HDAC4: variants seen among roughly 807,000 people sequenced by gnomAD.
The protein encoded by HDAC4 is histone deacetylase 4, also known as histone deacetylase A.
HDAC4 carries 16 observed loss-of-function variants against 135.1 expected under a neutral mutation model. That is an observed-to-expected ratio of 0.12 (90% confidence interval 0.08 to 0.18). HDAC4 has a LOEUF of 0.18. HDAC4 is among the 10% of genes least tolerant of loss of function. The pLI, the probability that HDAC4 is intolerant of heterozygous loss-of-function variation, is 1.00. For synonymous variants in HDAC4, 685 were observed against 653.4 expected (o/e 1.05, Z -0.74); for missense variants, 1,143 against 1,511.8 (o/e 0.76, Z 4.05).
chr2:239,250,277 T>C (rs1343951230), intron 2 of HDAC4, among the ~76,000 whole-genome samples: 2 of 152,092 alleles, frequency 1.3e-5, no homozygotes, highest in East Asian at 3.9e-4. Flanking sequence ...CCCCCAGGGG[T>C]CCGAGAGGAG....
chr2:239,095,164 G>A (rs1248653138), intron 16 of HDAC4, 108 bp from the exon 17 acceptor site: 2 of 1,152,528 alleles, frequency 1.7e-6, no homozygotes, highest in African/African-American at 3.0e-5. Context: ...GCATTTGTGG[G>A]ACAACGAGGG....
chr2:239,177,909 G>A (rs989213831), intron 4 of HDAC4, among the ~76,000 whole-genome samples: 1 of 152,214 alleles, frequency 6.6e-6, no homozygotes, highest in Non-Finnish European at 1.5e-5. Flanking sequence ...TTGGCCTGGC[G>A]CTGACGAGTG....
At chr2:239,118,638 G>A (rs1051051144) in intron 12 of HDAC4, among the ~76,000 whole-genome samples, 91 of 152,156 alleles carry the variant, frequency 6.0e-4, no homozygotes, top group Non-Finnish European at 1.5e-4. Context: ...AGGCCAAGGG[G>A]GCATGGATGA....
At chr2:239,395,286 G>T (rs1001843275) in intron 1 of HDAC4, among the ~76,000 whole-genome samples, 3 of 152,178 alleles carry the variant, frequency 2.0e-5, no homozygotes, top group Admixed American at 6.5e-5. Flanking sequence ...ATACAGGAAA[G>T]TCATGCCAGG....
At chr2:239,350,801 C>T (rs1693096858) in intron 2 of HDAC4, among the ~76,000 whole-genome samples, 1 of 152,192 alleles carries the variant, frequency 6.6e-6, no homozygotes, top group Non-Finnish European at 1.5e-5. Flanking sequence ...TGCGCCCGGC[C>T]GAGAACTTTA....
At chr2:239,335,968 GA>G (rs1267754778) in intron 2 of HDAC4, among the ~76,000 whole-genome samples, 1 of 152,086 alleles carries the variant, frequency 6.6e-6, no homozygotes. Flanking sequence ...TTCCAAACTG[GA>G]AACCACCAAA....
intron 1 of HDAC4, among the ~76,000 whole-genome samples, chr2:239,368,886 A>G (rs10171515): frequency 0.072 from 11,030 of 152,150 alleles, 850 homozygotes; most frequent in African/African-American, 0.19. Context: ...GTCGGCATCG[A>G]CAGCTGAGGC....
intron 2 of HDAC4, among the ~76,000 whole-genome samples, chr2:239,318,048 T>G (rs2053177709): frequency 6.6e-6 from 1 of 152,114 alleles, no homozygotes; most frequent in Admixed American, 6.5e-5. Context: ...AGATGACCAG[T>G]AGCCACCACC....
intron 2 of HDAC4, among the ~76,000 whole-genome samples, chr2:239,295,273 C>T (rs1320076795): frequency 7.9e-6 from 1 of 126,438 alleles, no homozygotes; most frequent in Admixed American, 1.0e-4. Context: ...CGCCCCTGCA[C>T]TCCAGCCTGG....
At chr2:239,356,043 T>C (rs897613817) in intron 1 of HDAC4, among the ~76,000 whole-genome samples, 1 of 152,322 alleles carries the variant, frequency 6.6e-6, no homozygotes, top group East Asian at 1.9e-4. Context: ...CAAGGGCTTA[T>C]CTTAGAAAAA....
intron 2 of HDAC4, among the ~76,000 whole-genome samples, chr2:239,277,614 C>G (rs921103474): frequency 6.6e-6 from 1 of 152,236 alleles, no homozygotes; most frequent in Non-Finnish European, 1.5e-5. Flanking sequence ...TCACCGCACG[C>G]ATCCCCGGAA....
intron 1 of HDAC4, among the ~76,000 whole-genome samples, chr2:239,360,156 C>T (rs962400516): frequency 1.3e-5 from 2 of 152,174 alleles, no homozygotes; most frequent in African/African-American, 4.8e-5. Flanking sequence ...TGATGGCCTG[C>T]GCTGAGCCAC....
In HDAC4 at chr2:239,313,456, T is replaced by C. The variant is rs549636191; in HGVS notation, c.22+39222A>G. The stretch of plus-strand genomic sequence containing the variant: ...GCTGCCCAGGAGCCCGCTCCTCCAA[T>C]TGGGGGCTGGCCATCCCACCGAGCA... On this transcript the variant is annotated intron_variant, in intron 2 of 26. Coordinates refer to ENST00000543185, the MANE Select transcript of HDAC4 (RefSeq NM_001378414.1). The surrounding 1 kb of genome is among the most constrained non-coding windows in gnomAD (Gnocchi z 5.1). Among the ~76,000 whole-genome samples, 14 of 152,048 alleles carry C rather than the reference T, an allele frequency of 9.2e-5. No homozygotes were observed. Among genetic ancestry groups the C allele is most frequent in the Middle Eastern group, 3.4e-3 (1 of 294 alleles).
At chr2:239,228,457 G>T (rs559412096) in intron 3 of HDAC4, among the ~76,000 whole-genome samples, 1 of 152,142 alleles carries the variant, frequency 6.6e-6, no homozygotes, top group South Asian at 2.1e-4. Flanking sequence ...GGCTGTGTAC[G>T]CCACGTGAAA....
At chr2:239,179,095 A>G (rs1206975435) in intron 4 of HDAC4, among the ~76,000 whole-genome samples, 1 of 149,800 alleles carries the variant, frequency 6.7e-6, no homozygotes, top group Non-Finnish European at 1.5e-5. Flanking sequence ...CGAGGCATAG[A>G]GTGGGGAGTG....
At chr2:239,199,330 A>G (rs1477225652) in intron 3 of HDAC4, among the ~76,000 whole-genome samples, 1 of 152,118 alleles carries the variant, frequency 6.6e-6, no homozygotes, top group Non-Finnish European at 1.5e-5. Context: ...AAGGCTCAAA[A>G]TGATCACTGA....
intron 24 of HDAC4, among the ~76,000 whole-genome samples, chr2:239,063,117 C>T (rs1227323797): frequency 1.3e-5 from 2 of 152,160 alleles, no homozygotes; most frequent in Non-Finnish European, 2.9e-5. Context: ...CCCGGGGTCA[C>T]GCACCCAGGG....
chr2:239,116,805 C>T (rs996824930), intron 12 of HDAC4, among the ~76,000 whole-genome samples: 37 of 152,222 alleles, frequency 2.4e-4, no homozygotes, highest in African/African-American at 8.9e-4. Flanking sequence ...CACTCGCCTC[C>T]AGCCCGCTGC....
intron 22 of HDAC4, among the ~76,000 whole-genome samples, chr2:239,071,118 T>C (rs2034155262): frequency 6.6e-6 from 1 of 152,000 alleles, no homozygotes; most frequent in African/African-American, 2.4e-5. Flanking sequence ...GGACTCTTGG[T>C]GGCGGCGGAG....
Sources: gnomAD v4.1 joint callset for allele counts (sites outside exome capture counted in the v4.1 genomes callset) on GRCh38, gnomAD v4.1.1 for gene constraint, Gnocchi (gnomAD v3.1) non-coding constraint, MANE v1.5 for transcripts, NCBI Gene and HGNC (gene_info 2026-07-23, HGNC 2026-07-21) for gene names.